The following CCDC82 variants were observed in gnomAD, a reference collection of about 807,000 sequenced individuals.
CCDC82 encodes the protein coiled-coil domain containing 82, also known as coiled-coil domain-containing protein 82.
Under a neutral mutation model 60.6 loss-of-function variants are expected in CCDC82, and 47 were observed. The observed-to-expected ratio is 0.77, with a 90% CI of 0.61 to 0.99. CCDC82 has a LOEUF of 0.99. Among genes scored for constraint, CCDC82 ranks in the 50% least tolerant of loss-of-function variants. CCDC82 has a pLI of 0.00. For missense variants in CCDC82, 588 were observed against 633.0 expected, an observed-to-expected ratio of 0.93 and a Z score of 0.76; for synonymous variants, 212 against 207.4, an observed-to-expected ratio of 1.02 and a Z score of -0.19.
Position 96,384,223 on chromosome 11 carries a change from T to G in CCDC82, c.525A>C (p.Glu175Asp), listed in dbSNP as rs751895475. ...GQIIEDDLEE[E>D]DIKRGKRKRL... ...TTTTTCTTTTTCCTCGCTTGATGTC[T>G]TCTTCTTCTAAATCATCCTCTATTA... The change falls in exon 4 of 10, where the codon GAA becomes GAC. Residue 175 changes from glutamate to aspartate, a missense_variant. Physicochemically the swap from Glu to Asp is conservative, Grantham distance 45. Coordinates refer to ENST00000646818, the MANE Select transcript of CCDC82 (RefSeq NM_024725.4). 32 of 1,613,654 alleles carry G rather than the reference T, an allele frequency of 2.0e-5. No individual in the cohort carries two copies. The highest frequency in any genetic ancestry group is 3.3e-5 in the South Asian group (3 of 91,068).
chr11:96,358,897 C>T, intron 9 of CCDC82, 96 bp downstream of exon 9: 2 of 1,153,776 alleles, frequency 1.7e-6, no homozygotes, highest in Non-Finnish European at 2.5e-6. Context: ...AAGAGATTCT[C>T]TTAAATTTCA....
Position 96,359,159 on chromosome 11 carries a change from AT to A in CCDC82, c.1399del (p.Ile467PhefsTer12). The A allele has an allele frequency of 6.3e-7, 1 of 1,580,928 alleles. No individual in the cohort carries two copies. The highest frequency in any genetic ancestry group is 8.5e-7 in the Non-Finnish European group (1 of 1,170,158). ...ATAAATTCTGGTACGGCTGGCACAA[AT>A]TCTGCCAACAGTGAACACCTAAATC... ...HDKQVFTVGR[I>X]CASRTRIYHK... On this transcript the variant is annotated frameshift_variant, in exon 9 of 10. Transcript: ENST00000646818. LOFTEE classifies it high-confidence loss of function.
intron 5 of CCDC82, among the ~76,000 whole-genome samples, chr11:96,377,279 A>G (rs1292938289): frequency 6.6e-6 from 1 of 152,174 alleles, no homozygotes; most frequent in Non-Finnish European, 1.5e-5. Context: ...TCCTGCTTTT[A>G]AAGTATTTAT....
At chr11:96,382,893 G>A (rs1591217365) in intron 5 of CCDC82, 1 of 163,460 alleles carries the variant, frequency 6.1e-6, no homozygotes, top group East Asian at 1.7e-4. Context: ...GTAAAACAAT[G>A]CCATTTATCA....
rs747453903 is a variant in CCDC82, at chr11:96,365,167, TA to T, written c.1210-18del. 1.7e-5 allele frequency: 25 copies of T among 1,447,458 alleles called. No homozygotes were observed. The highest frequency in any genetic ancestry group is 9.0e-5 in the Admixed American group (4 of 44,362). The allele number at this position is 1,447,458 out of a possible 1,614,324, so 89.7% of individuals were successfully genotyped here. On this transcript the variant is annotated intron_variant, in intron 7 of 9. Coordinates refer to ENST00000646818, the MANE Select transcript of CCDC82 (RefSeq NM_024725.4). ...TACTCGCTCCTGAAAACAAAAAATA[TA>T]AAAAAAAGTTTAAAAGATAAAGAAT...
At chr11:96,354,824 TTTC>T (rs1480048766) in intron 9 of CCDC82, 1 of 152,204 alleles carries the variant, frequency 6.6e-6, no homozygotes, top group Non-Finnish European at 1.5e-5. Flanking sequence ...GACATACTAG[TTTC>T]TTGACTCTGT....
At chr11:96,374,757 C>T (rs1021197495) in intron 5 of CCDC82, among the ~76,000 whole-genome samples, 1 of 152,072 alleles carries the variant, frequency 6.6e-6, no homozygotes, top group Non-Finnish European at 1.5e-5. Flanking sequence ...TTCTCTCCCT[C>T]CTCCTACTCT....
At chr11:96,388,120 AAT>A (rs1387383061) in intron 1 of CCDC82, 1 of 152,224 alleles carries the variant, frequency 6.6e-6, no homozygotes, top group Non-Finnish European at 1.5e-5. Flanking sequence ...AGACACTTTG[AAT>A]ATGTTTGGCT....
chr11:96,383,721 C>T (rs1395330014), intron 4 of CCDC82, among the ~76,000 whole-genome samples: 1 of 151,610 alleles, frequency 6.6e-6, no homozygotes, highest in African/African-American at 2.4e-5. Context: ...AAGTTAAAAA[C>T]AAGAAAGATC....
chr11:96,371,506 C>T (rs972430029), intron 6 of CCDC82, among the ~76,000 whole-genome samples: 8 of 152,120 alleles, frequency 5.3e-5, no homozygotes, highest in East Asian at 1.9e-4. Flanking sequence ...GGTGTGAACC[C>T]GGGAGGGGGA....
In CCDC82 at chr11:96,383,288, T is replaced by C; in HGVS notation, c.972A>G (p.Leu324=). The C allele has an allele frequency of 6.3e-7, 1 of 1,577,308 alleles. No individual in the cohort carries two copies. Among genetic ancestry groups the C allele is most frequent in the South Asian group, 1.1e-5 (1 of 90,228 alleles). The part of the protein sequence containing the change: ...GEKLTTSQLK[L]VKQNSLYSFS... The stretch of plus-strand genomic sequence containing the variant: ...ACTTACAAAGAGAATTCTGTTTTAC[T>C]AATTTCAGTTGTGATGTAGTCAATT... The change falls in exon 5 of 10, where the codon TTA becomes TTG. Residue 324 remains leucine, a synonymous_variant. Transcript: ENST00000646818.
At chr11:96,379,438 T>G (rs1242485701) in intron 5 of CCDC82, among the ~76,000 whole-genome samples, 4 of 151,764 alleles carry the variant, frequency 2.6e-5, no homozygotes, top group Non-Finnish European at 4.4e-5. Flanking sequence ...TTAGCCAATA[T>G]GCTTATCTTA....
At chr11:96,357,913 G>A in intron 9 of CCDC82, 1 of 985,422 alleles carries the variant, frequency 1.0e-6, no homozygotes, top group Non-Finnish European at 1.2e-6. Context: ...AATAAAATGA[G>A]AGAAAGACTT....
chr11:96,371,217 C>T (rs1396290034), intron 6 of CCDC82, 80 bp from the exon 7 acceptor site: 2 of 967,132 alleles, frequency 2.1e-6, no homozygotes, highest in African/African-American at 1.7e-5. Context: ...AAAATTTCTT[C>T]CCAACTTGGT....
chr11:96,362,513 T>G (rs530099238), intron 8 of CCDC82, among the ~76,000 whole-genome samples: 2 of 152,318 alleles, frequency 1.3e-5, no homozygotes, highest in African/African-American at 4.8e-5. Context: ...CCTAAGCATC[T>G]TAAGGAGTCT....
intron 8 of CCDC82, among the ~76,000 whole-genome samples, chr11:96,359,693 T>C (rs1864539084): frequency 6.7e-6 from 1 of 149,122 alleles, no homozygotes; most frequent in Non-Finnish European, 1.5e-5. Flanking sequence ...AGTCCATATT[T>C]ATGAAGTTAA....
intron 1 of CCDC82, chr11:96,388,202 G>A (rs1280845919): frequency 1.3e-5 from 2 of 152,218 alleles, no homozygotes; most frequent in African/African-American, 4.8e-5. Flanking sequence ...GAGGGAAAAG[G>A]TGAGTGAACC....
intron 8 of CCDC82, 156 bp downstream of exon 8, chr11:96,364,824 A>G: frequency 1.7e-6 from 1 of 581,996 alleles, no homozygotes; most frequent in Non-Finnish European, 3.0e-6. Context: ...TTAGATGAAC[A>G]GCTATCTTCC....
At chr11:96,383,929 AAAC>A (rs1866024526) in intron 4 of CCDC82, 30 bp downstream of exon 4, 1 of 1,547,360 alleles carries the variant, frequency 6.5e-7, no homozygotes, top group Non-Finnish European at 8.7e-7. Flanking sequence ...AAAAACTGAA[AAAC>A]AATAACAAAT....
Sources: allele counts gnomAD v4.1 joint callset (sites outside exome capture counted in the v4.1 genomes callset), GRCh38; gene constraint gnomAD v4.1.1; transcripts MANE v1.5; gene names NCBI Gene and HGNC (gene_info 2026-07-23, HGNC 2026-07-21).